Variants in ARHGEF3 observed in about 807,000 individuals in gnomAD.
ARHGEF3 encodes the protein 59.8 kDA protein.
ARHGEF3 carries 28 observed loss-of-function variants against 63.2 expected under a neutral mutation model. The ratio of observed to expected loss-of-function variants is 0.44; its 90% CI spans 0.33 to 0.61. The LOEUF is 0.61. ARHGEF3 is among the 20% of genes least tolerant of loss of function. ARHGEF3 has a pLI of 0.03. For synonymous variants in ARHGEF3, 266 were observed against 254.2 expected, an observed-to-expected ratio of 1.05 and a Z score of -0.44; for missense variants, 533 against 659.3, an observed-to-expected ratio of 0.81 and a Z score of 2.10.
intron 3 of ARHGEF3, among the ~76,000 whole-genome samples, chr3:56,956,181 C>T (rs1388044250): frequency 1.3e-5 from 2 of 151,852 alleles, no homozygotes; most frequent in Admixed American, 6.6e-5. Flanking sequence ...AACTCTGAAA[C>T]CCACTTGGTT....
At position 56,778,581 on chromosome 3, in the gene ARHGEF3, G is replaced by A. The variant is rs145108234; in HGVS notation, c.97-4765C>T. 5.9e-3 allele frequency among the ~76,000 whole-genome samples: 893 copies of A among 152,362 alleles called. 10 individuals are homozygous for A. The highest frequency in any genetic ancestry group is 0.02 in the African/African-American group (838 of 41,582). On this transcript the variant is annotated intron_variant, in intron 1 of 9. Coordinates refer to ENST00000296315, the MANE Select transcript of ARHGEF3 (RefSeq NM_019555.3). The stretch of plus-strand genomic sequence containing the variant: ...AGGGTCTTGCTCTGTCACTCAGGCT[G>A]CTGTGCAGTGGCACGATCACGACTC...
chr3:56,792,866 T>C (rs968086455), intron 1 of ARHGEF3, among the ~76,000 whole-genome samples: 2 of 152,038 alleles, frequency 1.3e-5, no homozygotes, highest in Non-Finnish European at 2.9e-5. Context: ...TTGCGCAGGC[T>C]GGTCCCAAAC....
intron 1 of ARHGEF3, among the ~76,000 whole-genome samples, chr3:56,794,334 A>G (rs1321842507): frequency 1.3e-5 from 2 of 151,972 alleles, no homozygotes; most frequent in Non-Finnish European, 2.9e-5. Flanking sequence ...CTAAAAATAC[A>G]AAAATTAGCA....
intron 1 of ARHGEF3, among the ~76,000 whole-genome samples, chr3:57,052,111 G>A (rs552321636): frequency 3.9e-5 from 6 of 152,240 alleles, no homozygotes; most frequent in East Asian, 3.9e-4. Context: ...TACTATGCTC[G>A]TGTTGTCCAG....
intron 2 of ARHGEF3, among the ~76,000 whole-genome samples, chr3:56,968,196 TA>T (rs1700709786): frequency 1.9e-4 from 3 of 15,518 alleles, no homozygotes; most frequent in Admixed American, 1.4e-3. Context: ...ATATTATATA[TA>T]ATATATAAAA....
intron 3 of ARHGEF3, among the ~76,000 whole-genome samples, chr3:56,911,927 T>C (rs1324692666): frequency 6.6e-6 from 1 of 150,816 alleles, no homozygotes; most frequent in Non-Finnish European, 1.5e-5. Context: ...AGCAAGACTG[T>C]CTCTAAAAGA....
At chr3:56,736,447 T>C (rs2033631267) in intron 8 of ARHGEF3, among the ~76,000 whole-genome samples, 1 of 152,214 alleles carries the variant, frequency 6.6e-6, no homozygotes, top group South Asian at 2.1e-4. Flanking sequence ...GATAGGTTGT[T>C]ATTTTTAAAA....
rs2042196593 is a variant in ARHGEF3 at position 56,923,224 on chromosome 3, A to G, written c.129+35599T>C. ...GGCAACAGAGCAAGACTCCGTCTCA[A>G]AAAAAGAAGCAGAACAATGGATGAT... On this transcript the variant is annotated intron_variant, in intron 3 of 12. Transcript: ENST00000338458. Among the ~76,000 whole-genome samples the G allele has an allele frequency of 2.6e-5, 4 of 151,482 alleles. No homozygotes were observed. The South Asian group carries it at 8.3e-4, about 31-fold the overall frequency.
intron 4 of ARHGEF3, among the ~76,000 whole-genome samples, chr3:56,866,574 C>T (rs1185099369): frequency 3.3e-5 from 5 of 152,144 alleles, no homozygotes; most frequent in South Asian, 2.1e-4. Context: ...AATGCTCAAG[C>T]GGCAAGGCTT....
intron 3 of ARHGEF3, among the ~76,000 whole-genome samples, chr3:56,920,758 AT>A (rs1431908056): frequency 6.6e-6 from 1 of 152,212 alleles, no homozygotes; most frequent in Non-Finnish European, 1.5e-5. Context: ...TAGTAAAAAA[AT>A]CTCATGGCCA....
intron 3 of ARHGEF3, among the ~76,000 whole-genome samples, chr3:56,933,041 C>T (rs1163742781): frequency 6.6e-6 from 1 of 152,180 alleles, no homozygotes; most frequent in Admixed American, 6.5e-5. Flanking sequence ...ACAGTTAGTT[C>T]AGTACCAGTC....
intron 2 of ARHGEF3, among the ~76,000 whole-genome samples, chr3:56,990,319 C>T (rs978470778): frequency 8.5e-5 from 13 of 152,216 alleles, no homozygotes; most frequent in Non-Finnish European, 1.9e-4. Flanking sequence ...GGCCATGGCT[C>T]ACGCCTGTAA....
At chr3:56,935,161 G>T (rs944789085) in intron 3 of ARHGEF3, among the ~76,000 whole-genome samples, 1 of 152,186 alleles carries the variant, frequency 6.6e-6, no homozygotes, top group South Asian at 2.1e-4. Flanking sequence ...AGCACCCTGT[G>T]TCTAGCTCAG....
chr3:56,739,042 C>T (rs2033832427), intron 7 of ARHGEF3, among the ~76,000 whole-genome samples: 1 of 151,998 alleles, frequency 6.6e-6, no homozygotes, highest in Non-Finnish European at 1.5e-5. Context: ...TTGCAGTGAG[C>T]CGAGATCACG....
chr3:56,966,639 C>T (rs980973067), intron 2 of ARHGEF3, among the ~76,000 whole-genome samples: 1 of 151,956 alleles, frequency 6.6e-6, no homozygotes, highest in African/African-American at 2.4e-5. Flanking sequence ...TGAGATTTGC[C>T]TTTTAGAAAG....
chr3:56,833,917 T>TCC (rs144162271), intron 4 of ARHGEF3, among the ~76,000 whole-genome samples: 11,564 of 147,120 alleles, frequency 0.079, 1,475 homozygotes, highest in African/African-American at 0.28. Flanking sequence ...ATTCTTTGTT[T>TCC]TCCCCCCCCA....
At chr3:56,954,141 CT>C (rs1033455350) in intron 3 of ARHGEF3, among the ~76,000 whole-genome samples, 23 of 152,156 alleles carry the variant, frequency 1.5e-4, no homozygotes, top group African/African-American at 5.1e-4. Flanking sequence ...AAAAAGGGCT[CT>C]GAAATTTGGT....
Position 57,038,724 on chromosome 3 carries a change from C to T in ARHGEF3, c.-27-3548G>A, listed in dbSNP as rs150680013. Among the ~76,000 whole-genome samples the T allele has an allele frequency of 1.5e-3, 221 of 152,288 alleles. 1 individual carries two copies. The highest frequency in any genetic ancestry group is 6.8e-3 in the Middle Eastern group (2 of 294). On this transcript the variant is annotated intron_variant, in intron 1 of 12. Transcript: ENST00000338458. ...CCTACCAAAGAGGTGGGATTACAGG[C>T]GTCAGCCATCGCCTCAGACCTATAC...
At chr3:56,814,311 T>C (rs1372534366) in intron 4 of ARHGEF3, among the ~76,000 whole-genome samples, 4 of 152,212 alleles carry the variant, frequency 2.6e-5, no homozygotes, top group Non-Finnish European at 4.4e-5. Context: ...GCGATTTTTT[T>C]TAAGCTCATC....
Sources: allele counts gnomAD v4.1 joint callset (sites outside exome capture counted in the v4.1 genomes callset), GRCh38; gene constraint gnomAD v4.1.1; transcripts MANE v1.5; gene names NCBI Gene and HGNC (gene_info 2026-07-23, HGNC 2026-07-21).